Variants in DNAH11 observed in about 807,000 individuals in gnomAD.
DNAH11 encodes the protein axonemal beta dynein heavy chain 11.
Under a neutral mutation model 526.0 loss-of-function variants are expected in DNAH11, and 442 were observed. The observed-to-expected ratio is 0.84, with a 90% CI of 0.78 to 0.91. The LOEUF is 0.91. Ranked by LOEUF, DNAH11 falls within the 40% of genes least tolerant of loss-of-function variation. The pLI, the probability that DNAH11 is intolerant of heterozygous loss-of-function variation, is 0.00. For synonymous variants in DNAH11, 2,461 were observed against 1,935.9 expected, an observed-to-expected ratio of 1.27 and a Z score of -7.12; for missense variants, 6,989 against 5,448.7, an observed-to-expected ratio of 1.28 and a Z score of -8.90.
chr7:21,585,154 A>G (rs1583502869), intron 9 of DNAH11, among the ~76,000 whole-genome samples: 1 of 152,104 alleles, frequency 6.6e-6, no homozygotes, highest in East Asian at 1.9e-4. Context: ...ATAAGATGAG[A>G]TCCTACTGTC....
At chr7:21,564,040 T>G in intron 5 of DNAH11, 146 bp from the exon 6 acceptor site, 1 of 532,638 alleles carries the variant, frequency 1.9e-6, no homozygotes, top group Non-Finnish European at 3.2e-6. Flanking sequence ...GTGTGTAGAT[T>G]GTAGGATAAG....
At chr7:21,826,332 A>G (rs1211229253) in intron 65 of DNAH11, among the ~76,000 whole-genome samples, 2 of 152,062 alleles carry the variant, frequency 1.3e-5, no homozygotes, top group Non-Finnish European at 1.5e-5. Flanking sequence ...ACATATGCAA[A>G]GTAGGAGATA....
chr7:21,756,218 TATAAG>T (rs1786630019), intron 54 of DNAH11, among the ~76,000 whole-genome samples: 1 of 152,138 alleles, frequency 6.6e-6, no homozygotes, highest in Non-Finnish European at 1.5e-5. Context: ...TTGTGTAAAT[TATAAG>T]ATGGCTTTCC....
chr7:21,663,128 C>T (rs1027745625), intron 30 of DNAH11, among the ~76,000 whole-genome samples: 5 of 152,076 alleles, frequency 3.3e-5, no homozygotes, highest in African/African-American at 1.2e-4. Context: ...CTCTAGTTCC[C>T]TGCGTGTTGC....
chr7:21,765,344 T>G (rs1050928339), intron 54 of DNAH11, 84 bp from the exon 55 acceptor site: 3 of 1,591,980 alleles, frequency 1.9e-6, no homozygotes, highest in Non-Finnish European at 2.6e-6. Context: ...GCTGCACTCC[T>G]TTCTCTCATT....
At chr7:21,803,961 G>A (rs10233735) in intron 62 of DNAH11, among the ~76,000 whole-genome samples, 30,246 of 151,956 alleles carry the variant, frequency 0.2, 4,076 homozygotes, top group East Asian at 0.53. Context: ...GCAAGCCACC[G>A]TTCATCTCAT....
At chr7:21,568,540 C>T (rs976883424) in intron 6 of DNAH11, among the ~76,000 whole-genome samples, 2 of 152,102 alleles carry the variant, frequency 1.3e-5, no homozygotes, top group East Asian at 1.9e-4. Context: ...TCTGCCTCCC[C>T]GTGCAAGGAG....
chr7:21,660,697 G>A (rs1219350324), intron 30 of DNAH11, among the ~76,000 whole-genome samples: 2 of 151,736 alleles, frequency 1.3e-5, no homozygotes, highest in Non-Finnish European at 2.9e-5. Context: ...CTGTCTTTAT[G>A]AATGTATAGA....
In DNAH11 at chr7:21,749,553, C is replaced by T. The variant is rs1786308635; in HGVS notation, c.8674-125C>T. ...GTCTCTCAGAGAAGGAATATGTAAA[C>T]CAGGGAAAGGCACCCCACAGTGCTA... On this transcript the variant is annotated intron_variant, in intron 52 of 81. Coordinates refer to ENST00000409508, the MANE Select transcript of DNAH11 (RefSeq NM_001277115.2). The T allele has an allele frequency of 7.1e-6, 9 of 1,275,466 alleles. No homozygotes were observed. In the East Asian group the frequency reaches 2.2e-4, roughly 31 times the overall value. 79.0% of individuals were successfully genotyped at this position (1,275,466 alleles called of 1,614,324 possible).
intron 12 of DNAH11, among the ~76,000 whole-genome samples, chr7:21,589,684 A>G (rs760881186): frequency 1.3e-5 from 2 of 152,094 alleles, no homozygotes; most frequent in South Asian, 2.1e-4. Flanking sequence ...TTTATGCTCT[A>G]TGTTTCTAGT....
At chr7:21,550,994 C>T (rs556636873) in intron 2 of DNAH11, among the ~76,000 whole-genome samples, 2 of 152,292 alleles carry the variant, frequency 1.3e-5, no homozygotes, top group Admixed American at 6.5e-5. Context: ...TACACAACTT[C>T]CACATACTTA....
intron 42 of DNAH11, among the ~76,000 whole-genome samples, chr7:21,715,005 T>C (rs886650503): frequency 6.6e-6 from 1 of 152,202 alleles, no homozygotes; most frequent in African/African-American, 2.4e-5. Context: ...ATGACCTTAT[T>C]GTCTTCTGTC....
intron 9 of DNAH11, among the ~76,000 whole-genome samples, chr7:21,587,251 G>A (rs1274376042): frequency 6.6e-6 from 1 of 152,126 alleles, no homozygotes; most frequent in Non-Finnish European, 1.5e-5. Flanking sequence ...GGCAGTGAAG[G>A]TAAGTTTGAA....
chr7:21,765,242 G>C (rs1391542176), intron 54 of DNAH11, among the ~76,000 whole-genome samples, 186 bp from the exon 55 acceptor site: 1 of 152,154 alleles, frequency 6.6e-6, no homozygotes, highest in Non-Finnish European at 1.5e-5. Flanking sequence ...CAGTGGAGCA[G>C]CCTCTTTGGA....
At chr7:21,899,536 C>G in intron 80 of DNAH11, 88 bp downstream of exon 80, 2 of 1,010,492 alleles carry the variant, frequency 2.0e-6, no homozygotes, top group Non-Finnish European at 3.0e-6. Flanking sequence ...ATGGCGTCTC[C>G]TTGCCCTGCT....
chr7:21,800,869 A>T (rs1788955471), intron 61 of DNAH11, among the ~76,000 whole-genome samples: 1 of 152,090 alleles, frequency 6.6e-6, no homozygotes, highest in Non-Finnish European at 1.5e-5. Flanking sequence ...ACATCCATTC[A>T]CCCCAGTCGC....
At chr7:21,899,286 T>G in intron 79 of DNAH11, 50 bp from the exon 80 acceptor site, 1 of 1,446,602 alleles carries the variant, frequency 6.9e-7, no homozygotes, top group Non-Finnish European at 9.7e-7. Flanking sequence ...TACTGGAAAA[T>G]GGCTATTTTA....
At chr7:21,839,297 G>T (rs1036440864) in intron 65 of DNAH11, among the ~76,000 whole-genome samples, 1 of 152,054 alleles carries the variant, frequency 6.6e-6, no homozygotes, top group Admixed American at 6.6e-5. Context: ...GATGCCGACC[G>T]GGTATGGTGA....
At chr7:21,590,111 C>T (rs1784620586) in intron 12 of DNAH11, among the ~76,000 whole-genome samples, 1 of 152,078 alleles carries the variant, frequency 6.6e-6, no homozygotes, top group South Asian at 2.1e-4. Context: ...TCTCAATTCT[C>T]ATAATTTCAT....
Sources: gnomAD v4.1 joint callset for allele counts (sites outside exome capture counted in the v4.1 genomes callset) on GRCh38, gnomAD v4.1.1 for gene constraint, MANE v1.5 for transcripts, NCBI Gene and HGNC (gene_info 2026-07-23, HGNC 2026-07-21) for gene names.